KCNN3: variants seen among roughly 807,000 people sequenced by gnomAD.
KCNN3 encodes the protein small conductance calcium-activated potassium channel protein 3.
In KCNN3, 16 loss-of-function variants were observed where a neutral mutation model predicts 62.9. The ratio of observed to expected loss-of-function variants is 0.25; its 90% CI spans 0.17 to 0.39. The LOEUF is 0.39. KCNN3 is among the 10% of genes least tolerant of loss of function. The pLI, the probability that KCNN3 is intolerant of heterozygous loss-of-function variation, is 1.00. For missense variants in KCNN3, 599 were observed against 949.4 expected, an observed-to-expected ratio of 0.63 and a Z score of 4.85; for synonymous variants, 370 against 389.2, an observed-to-expected ratio of 0.95 and a Z score of 0.58.
intron 1 of KCNN3, among the ~76,000 whole-genome samples, chr1:154,846,231 T>C (rs1284220071): frequency 1.3e-5 from 2 of 152,128 alleles, no homozygotes; most frequent in Non-Finnish European, 2.9e-5. Context: ...TTACCTCCAC[T>C]CTCTTGCCTT....
chr1:154,852,842 C>T (rs1272542014), intron 1 of KCNN3, among the ~76,000 whole-genome samples: 1 of 152,196 alleles, frequency 6.6e-6, no homozygotes, highest in African/African-American at 2.4e-5. Context: ...ACAGTGCTGT[C>T]TACAACACAC....
chr1:154,800,342 G>A (rs1649902885), intron 2 of KCNN3, among the ~76,000 whole-genome samples: 1 of 152,178 alleles, frequency 6.6e-6, no homozygotes, highest in Non-Finnish European at 1.5e-5. Context: ...CCAGGGCCAA[G>A]CTCCTGTGCT....
intron 3 of KCNN3, among the ~76,000 whole-genome samples, chr1:154,751,260 AG>A (rs991267941): frequency 4.6e-5 from 7 of 152,236 alleles, no homozygotes; most frequent in South Asian, 4.1e-4. Context: ...GAAGCTCTAA[AG>A]CCCCCTCCAG....
At chr1:154,786,251 G>T (rs903908601) in intron 2 of KCNN3, among the ~76,000 whole-genome samples, 2 of 152,178 alleles carry the variant, frequency 1.3e-5, no homozygotes, top group African/African-American at 2.4e-5. Flanking sequence ...TGACTGTAAA[G>T]AAATATTTTA....
At chr1:154,763,360 T>C (rs1366609237) in intron 3 of KCNN3, among the ~76,000 whole-genome samples, 3 of 152,196 alleles carry the variant, frequency 2.0e-5, no homozygotes, top group Non-Finnish European at 4.4e-5. Context: ...ATTTTCTCTG[T>C]TCATTTTTTT....
At chr1:154,775,771 C>T (rs966149770) in intron 2 of KCNN3, among the ~76,000 whole-genome samples, 3 of 152,176 alleles carry the variant, frequency 2.0e-5, no homozygotes, top group African/African-American at 7.2e-5. Context: ...ATAGGTTTTC[C>T]CCAGCAATTA....
At chr1:154,798,592 A>G (rs1202767221) in intron 2 of KCNN3, among the ~76,000 whole-genome samples, 3 of 152,218 alleles carry the variant, frequency 2.0e-5, no homozygotes, top group Non-Finnish European at 2.9e-5. Flanking sequence ...GTTTACACTA[A>G]TGTAGTAATA....
chr1:154,828,157 A>C (rs1287543460), intron 1 of KCNN3, among the ~76,000 whole-genome samples: 2 of 152,122 alleles, frequency 1.3e-5, no homozygotes, highest in Non-Finnish European at 2.9e-5. Context: ...AGGGCGCAGG[A>C]GTCTCAGCCT....
intron 1 of KCNN3, among the ~76,000 whole-genome samples, chr1:154,849,057 C>T (rs1461770317): frequency 6.6e-6 from 1 of 152,192 alleles, no homozygotes; most frequent in African/African-American, 2.4e-5. Flanking sequence ...TGGTCCTGAG[C>T]TCAGAACAAA....
At chr1:154,867,816 T>TACAC (rs759815742) in intron 1 of KCNN3, 37 of 258,964 alleles carry the variant, frequency 1.4e-4, no homozygotes, top group Non-Finnish European at 5.2e-5. Flanking sequence ...ATTACGCACA[T>TACAC]ACACACACAC....
At chr1:154,822,782 G>C (rs1273813540) in intron 1 of KCNN3, among the ~76,000 whole-genome samples, 1 of 152,236 alleles carries the variant, frequency 6.6e-6, no homozygotes, top group African/African-American at 2.4e-5. Context: ...GGAGCAGAGA[G>C]GGGTCCTGGC....
chr1:154,716,825 A>G (rs923496698), intron 5 of KCNN3, among the ~76,000 whole-genome samples: 8 of 152,178 alleles, frequency 5.3e-5, no homozygotes, highest in African/African-American at 1.9e-4. Flanking sequence ...ACTAGAGTGA[A>G]CAGCAGCCTC....
chr1:154,830,546 C>T (rs925671899), intron 1 of KCNN3, among the ~76,000 whole-genome samples: 2 of 152,214 alleles, frequency 1.3e-5, no homozygotes, highest in African/African-American at 4.8e-5. Context: ...CAGACTGGGC[C>T]CGGCACGGGG....
chr1:154,790,720 A>G (rs1649477696), intron 2 of KCNN3, among the ~76,000 whole-genome samples: 1 of 152,208 alleles, frequency 6.6e-6, no homozygotes. Flanking sequence ...CATAAAGTCG[A>G]CAAATCTTAA....
rs564272343 is a variant in KCNN3, at chr1:154,713,367, C to T, written c.1899+97G>A. 2.2e-5 allele frequency: 21 copies of T among 960,836 alleles called. No homozygotes were observed. The South Asian group carries it at 2.2e-4, about 10-fold the overall frequency. 59.5% of individuals were successfully genotyped at this position (960,836 alleles called of 1,614,324 possible). The stretch of plus-strand genomic sequence containing the variant: ...ATTTTTCTTTGCTTGCCTGGTCCCG[C>T]GCTGTCCAGTGCGAACCCAGCCAGG... On this transcript the variant is annotated intron_variant, in intron 7 of 7. Coordinates refer to ENST00000271915, the MANE Select transcript of KCNN3 (RefSeq NM_002249.6).
intron 5 of KCNN3, among the ~76,000 whole-genome samples, chr1:154,722,380 T>C (rs527791451): frequency 7.4e-6 from 1 of 134,512 alleles, no homozygotes; most frequent in Non-Finnish European, 1.5e-5. Flanking sequence ...TAGACTGAGC[T>C]TAGCATTTTT....
At chr1:154,838,383 T>C (rs550598954) in intron 1 of KCNN3, among the ~76,000 whole-genome samples, 18 of 152,122 alleles carry the variant, frequency 1.2e-4, no homozygotes, top group African/African-American at 3.9e-4. Context: ...GCCATCCCAC[T>C]CCTTAAATCC....
At chr1:154,757,898 C>A (rs539999320) in intron 3 of KCNN3, among the ~76,000 whole-genome samples, 22 of 152,240 alleles carry the variant, frequency 1.4e-4, no homozygotes, top group Admixed American at 3.3e-4. Flanking sequence ...GGGTACTCAC[C>A]GTGTGCTAAA....
rs777061224 is a variant in KCNN3 at position 154,725,964 on chromosome 1, C to T, written c.1653G>A (p.Ala551=). The T allele has an allele frequency of 1.5e-5, 25 of 1,614,032 alleles. No individual in the cohort carries two copies. Among genetic ancestry groups the T allele is most frequent in the East Asian group, 1.1e-4 (5 of 44,902 alleles). The stretch of plus-strand genomic sequence containing the variant: ...TCATGAAGTTATGAACGTGCTTCTC[C>T]GCTTTGGTGAGTTCCAGCTTTCGGG... ...VVARKLELTK[A]EKHVHNFMMD... The change falls in exon 5 of 8, where the codon GCG becomes GCA. Residue 551 remains alanine (A), a synonymous_variant. Transcript: ENST00000271915.
Sources: gnomAD v4.1 joint callset for allele counts (sites outside exome capture counted in the v4.1 genomes callset) on GRCh38, gnomAD v4.1.1 for gene constraint, MANE v1.5 for transcripts, NCBI Gene and HGNC (gene_info 2026-07-23, HGNC 2026-07-21) for gene names.